The following ERBB3 variants were observed in gnomAD, a reference collection of about 807,000 sequenced individuals.
ERBB3 encodes the protein erb-b2 receptor tyrosine kinase 3.
In ERBB3, 96 loss-of-function variants were observed where a neutral mutation model predicts 156.7. The ratio of observed to expected loss-of-function variants is 0.61; its 90% confidence interval spans 0.52 to 0.73. ERBB3 has a LOEUF of 0.73. ERBB3 is among the 30% of genes least tolerant of loss of function. ERBB3 has a pLI of 0.00. For missense variants in ERBB3, 1,406 were observed against 1,709.4 expected, an observed-to-expected ratio of 0.82 and a Z score of 3.13; for synonymous variants, 567 against 632.0, an observed-to-expected ratio of 0.90 and a Z score of 1.54.
chr12:56,101,432 C>A, intron 27 of ERBB3, 71 bp downstream of exon 27: 1 of 1,596,792 alleles, frequency 6.3e-7, no homozygotes, highest in Non-Finnish European at 8.6e-7. Flanking sequence ...CTTTTTTCTT[C>A]TCTGATCATA....
Position 56,096,743 on chromosome 12 carries a change from C to T in ERBB3, c.2176-5C>T. On this transcript the variant is annotated splice_polypyrimidine_tract_variant and splice_region_variant and intron_variant, in intron 18 of 27. Coordinates refer to ENST00000267101, the MANE Select transcript of ERBB3 (RefSeq NM_001982.4). Reference sequence around the variant, plus strand: ...TTATGCCAACTCCTGCCCCAAACTTCCCAGGGAGTGTGGATCCCTGAGGGT... The same window carrying T: ...TTATGCCAACTCCTGCCCCAAACTTTCCAGGGAGTGTGGATCCCTGAGGGT... The T allele has an allele frequency of 2.5e-6, 4 of 1,613,762 alleles. 1 individual carries two copies. Among genetic ancestry groups the T allele is most frequent in the Non-Finnish European group, 2.5e-6 (3 of 1,179,660 alleles).
Position 56,088,087 on chromosome 12 carries a change from A to T in ERBB3, c.799A>T (p.Lys267Ter), listed in dbSNP as rs777560897. ...PRCPQPLVYN[K>*]LTFQLEPNPH... ...CTGTCCACAGCCTCTTGTCTACAAC[A>T]AGCTAACTTTCCAGCTGGAACCCAA... Residue 267 changes from lysine (K) to a stop codon, truncating the protein, a stop_gained, in exon 7 of 28, where the codon AAG (lysine) becomes TAG (stop). Transcript: ENST00000267101. LOFTEE classifies it high-confidence loss of function. 3.1e-6 allele frequency: 5 copies of T among 1,614,152 alleles called. No individual in the cohort carries two copies. Among genetic ancestry groups the T allele is most frequent in the Non-Finnish European group, 4.2e-6 (5 of 1,180,008 alleles).
Position 56,095,676 on chromosome 12 carries a change from T to C in ERBB3, c.1925T>C (p.Leu642Pro), listed in dbSNP as rs371005132. The change falls in exon 17 of 28, where the codon CTG (leucine) becomes CCG (proline). Residue 642 changes from leucine (L) to proline (P), a missense_variant. This residue lies in a region of ERBB3 where 979 missense variants were observed against 1,219.6 expected (regional missense o/e 0.80). Transcript: ENST00000267101. ...TATATATCCCATAGCAAAACCCATCTGACAATGGCTTTGACAGTGATAGCA... is the reference window on the plus strand; with the variant it reads ...TATATATCCCATAGCAAAACCCATCCGACAATGGCTTTGACAGTGATAGCA... The part of the protein sequence containing the change: ...QTLVLIGKTH[L>P]TMALTVIAGL... 2.4e-5 allele frequency: 38 copies of C among 1,614,116 alleles called. No individual in the cohort carries two copies. In the Middle Eastern group the frequency reaches 6.6e-4, roughly 28 times the overall value.
At chr12:56,098,413 A>T (rs1264647155) in intron 21 of ERBB3, 87 bp from the exon 22 acceptor site, 2 of 586,338 alleles carry the variant, frequency 3.4e-6, no homozygotes, top group Non-Finnish European at 5.4e-6. Flanking sequence ...CTCCGTCTCA[A>T]AAAAAAAAAA....
At chr12:56,089,197 G>T in intron 9 of ERBB3, 1 of 459,400 alleles carries the variant, frequency 2.2e-6, no homozygotes, top group South Asian at 1.6e-5. Flanking sequence ...GCAGTGGCGT[G>T]ATCTCGACTC....
intron 11 of ERBB3, 57 bp from the exon 12 acceptor site, chr12:56,093,288 T>C: frequency 2.0e-6 from 3 of 1,478,744 alleles, no homozygotes; most frequent in Non-Finnish European, 2.8e-6. Context: ...ATGAATCCTT[T>C]GAATAGTTAA....
rs774415293 is a variant in ERBB3, at chr12:56,093,073, A to G, written c.1271A>G (p.Tyr424Cys). ...ACAACCATTGGAGGCAGAAGCCTCT[A>G]CAAGTGAGTAAAGGGTATGGAGGAA... ...NLTTIGGRSL[Y>C]NRGFSLLIMK... The change falls in exon 11 of 28, where the codon TAC becomes TGC. Residue 424 changes from tyrosine (Y) to cysteine (C), a missense_variant. Transcript: ENST00000267101. The G allele has an allele frequency of 1.2e-6, 2 of 1,608,876 alleles. No individual in the cohort carries two copies. Among genetic ancestry groups the G allele is most frequent in the African/African-American group, 1.3e-5 (1 of 74,924 alleles).
chr12:56,081,839 A>C (rs1433298442), intron 1 of ERBB3, among the ~76,000 whole-genome samples: 1 of 151,946 alleles, frequency 6.6e-6, no homozygotes, highest in Non-Finnish European at 1.5e-5. Flanking sequence ...TTCTGGCTCT[A>C]TCCCACCCCT....
rs139749751 is a variant in ERBB3 at position 56,092,967 on chromosome 12, C to A, written c.1184-19C>A. 5.7e-5 allele frequency: 91 copies of A among 1,603,616 alleles called. No homozygotes were observed. The African/African-American group carries it at 9.6e-4, about 17-fold the overall frequency. The stretch of plus-strand genomic sequence containing the variant: ...AAGAAGAAGGCTCCCTGCCCATATG[C>A]CTCTCTCCAACCCCTCAGGTTACCT... On this transcript the variant is annotated intron_variant, in intron 10 of 27. Transcript: ENST00000267101.
In ERBB3 at chr12:56,085,032, T is replaced by C. The variant is rs2136788000; in HGVS notation, c.272T>C (p.Met91Thr). 6.2e-7 allele frequency: 1 copy of C among 1,614,156 alleles called. No individual in the cohort carries two copies. Among genetic ancestry groups the C allele is most frequent in the Non-Finnish European group, 8.5e-7 (1 of 1,180,014 alleles). ...REVTGYVLVA[M>T]NEFSTLPLPN... The stretch of plus-strand genomic sequence containing the variant: ...GTGACAGGCTATGTCCTCGTGGCCA[T>C]GAATGAATTCTCTACTCTACCATTG... The change falls in exon 3 of 28, where the codon ATG becomes ACG. Residue 91 changes from methionine (M) to threonine (T), a missense_variant. Physicochemically the swap from Met to Thr is moderately conservative, Grantham distance 81. This residue lies in a region of ERBB3 where 979 missense variants were observed against 1,219.6 expected (regional missense o/e 0.80). Transcript: ENST00000267101.
chr12:56,093,647 G>A (rs1366929750), intron 12 of ERBB3, 97 bp downstream of exon 12: 7 of 1,563,326 alleles, frequency 4.5e-6, no homozygotes, highest in Non-Finnish European at 6.1e-6. Flanking sequence ...AGGGTTGAGG[G>A]ATGGAACCAA....
chr12:56,088,474 C>A, intron 7 of ERBB3, 69 bp from the exon 8 acceptor site: 1 of 1,234,092 alleles, frequency 8.1e-7, no homozygotes, highest in Non-Finnish European at 1.2e-6. Context: ...AGGCCCAGAG[C>A]AAGGGTTCCA....
At chr12:56,080,970 G>A (rs966463848) in intron 1 of ERBB3, among the ~76,000 whole-genome samples, 2 of 152,242 alleles carry the variant, frequency 1.3e-5, no homozygotes, top group Non-Finnish European at 2.9e-5. Flanking sequence ...TCAGGCAGGA[G>A]GCCCAACAGA....
At position 56,083,006 on chromosome 12, in the gene ERBB3, G is replaced by A. The variant is rs374993949; in HGVS notation, c.83-745G>A. Among the ~76,000 whole-genome samples, 8 of 152,248 alleles carry A rather than the reference G, an allele frequency of 5.3e-5. No individual in the cohort carries two copies. The East Asian group carries it at 9.6e-4, about 18-fold the overall frequency. The stretch of plus-strand genomic sequence containing the variant: ...GGAGAGAGTGAGAAGGAAACCCTGA[G>A]TTTAGGAAGGCGGGGAGGCAACTAG... On this transcript the variant is annotated intron_variant, in intron 1 of 27. Coordinates refer to ENST00000267101, the MANE Select transcript of ERBB3 (RefSeq NM_001982.4).
rs200811061 is a variant in ERBB3, at chr12:56,101,602, T to A, written c.3576T>A (p.Asp1192Glu). 6.2e-7 allele frequency: 1 copy of A among 1,613,854 alleles called. No individual in the cohort carries two copies. Among genetic ancestry groups the A allele is most frequent in the Non-Finnish European group, 8.5e-7 (1 of 1,179,978 alleles). ...LSSVLGTEEE[D>E]EDEEYEYMNR... ...CTGTCCTGGGTACTGAAGAAGAAGA[T>A]GAAGATGAGGAGTATGAATACATGA... is the stretch of plus-strand genomic sequence containing the variant. The change falls in exon 28 of 28, where the codon GAT becomes GAA. Residue 1192 changes from aspartate to glutamate, a missense_variant. Around this residue, in one of 3 missense-constraint regions of ERBB3, gnomAD observed 415 missense variants for 454.1 expected, o/e 0.91. Transcript: ENST00000267101.
Position 56,085,140 on chromosome 12 carries a change from C to G in ERBB3, c.380C>G (p.Ser127Cys). ...IFVMLNYNTN[S>C]SHALRQLRLT... ...GTCATGTTGAACTATAACACCAACT[C>G]CAGCCACGCTCTGCGCCAGCTCCGC... Residue 127 changes from serine to cysteine, a missense_variant, in exon 3 of 28, where the codon TCC becomes TGC. By Grantham distance (112) the Ser-to-Cys change is moderately radical. Around this residue, in one of 3 missense-constraint regions of ERBB3, gnomAD observed 979 missense variants for 1,219.6 expected, o/e 0.80. Coordinates refer to ENST00000267101, the MANE Select transcript of ERBB3 (RefSeq NM_001982.4). 6.2e-7 allele frequency: 1 copy of G among 1,614,088 alleles called. No individual in the cohort carries two copies.
At chr12:56,089,874 T>G (rs569826765) in intron 9 of ERBB3, among the ~76,000 whole-genome samples, 1 of 150,946 alleles carries the variant, frequency 6.6e-6, no homozygotes, top group Non-Finnish European at 1.5e-5. Flanking sequence ...AAAATGTGTG[T>G]GTGTGTGTAA....
chr12:56,101,664 G>A lies in ERBB3; in HGVS notation c.3638G>A (p.Arg1213Lys), dbSNP rs2136830458. ...AGGCACAGTCCACCTCATCCCCCTA[G>A]GCCAAGTTCCCTTGAGGAGCTGGGT... is the stretch of plus-strand genomic sequence containing the variant. The part of the protein sequence containing the change: ...RRRHSPPHPP[R>K]PSSLEELGYE... The change falls in exon 28 of 28, where the codon AGG (arginine) becomes AAG (lysine). Residue 1213 changes from arginine (R) to lysine (K), a missense_variant. Transcript: ENST00000267101. 1 of 1,613,944 alleles carries A rather than the reference G, an allele frequency of 6.2e-7. No homozygotes were observed. Among genetic ancestry groups the A allele is most frequent in the East Asian group, 2.2e-5 (1 of 44,884 alleles).
In ERBB3 at chr12:56,080,537, C is replaced by T. The variant is rs181620928; in HGVS notation, c.82+155C>T. On this transcript the variant is annotated intron_variant, in intron 1 of 27. Coordinates refer to ENST00000267101, the MANE Select transcript of ERBB3 (RefSeq NM_001982.4). ...CACCTGGGAGAGGGGCGGTCAGGCT[C>T]GGGTTATCGGCGTGGTCCGGCCGAG... 2.3e-4 allele frequency among the ~76,000 whole-genome samples: 35 copies of T among 152,352 alleles called. No homozygotes were observed. In the East Asian group the frequency reaches 5.6e-3, roughly 24 times the overall value.
Sources: gnomAD v4.1 joint callset for allele counts (sites outside exome capture counted in the v4.1 genomes callset) on GRCh38, gnomAD v4.1.1 for gene constraint, gnomAD v4.1.1 regional missense constraint, MANE v1.5 for transcripts, NCBI Gene and HGNC (gene_info 2026-07-23, HGNC 2026-07-21) for gene names.